Variants in MNDA observed in about 807,000 individuals in gnomAD.
The protein encoded by MNDA is epididymis secretory sperm binding protein.
A neutral mutation model predicts 37.8 loss-of-function variants in MNDA; 43 were observed. That is an observed-to-expected ratio of 1.14 (90% CI 0.89 to 1.47). The LOEUF (loss-of-function observed/expected upper bound fraction) is 1.47. MNDA is among the 40% of genes most tolerant of loss of function. MNDA has a pLI of 0.00. For synonymous variants in MNDA, 181 were observed against 169.0 expected (o/e 1.07, Z -0.55); for missense variants, 536 against 476.0 (o/e 1.13, Z -1.17).
chr1:158,841,730 AGGAAGAATCAGGGAAGAATC>A (rs1659032363), intron 1 of MNDA, among the ~76,000 whole-genome samples: 1 of 342 alleles, frequency 2.9e-3, no homozygotes, highest in African/African-American at 0.011. Context: ...GTGGATGACC[AGGAAGAATCAGGGAAGAATC>A]AGGGAAGAAT....
At chr1:158,836,543 T>G (rs1426704843) in intron 1 of MNDA, among the ~76,000 whole-genome samples, 2 of 151,922 alleles carry the variant, frequency 1.3e-5, no homozygotes, top group Admixed American at 1.3e-4. Flanking sequence ...AGTATTCTCT[T>G]TATTTCTGTG....
At chr1:158,837,768 T>A (rs535254909) in intron 1 of MNDA, among the ~76,000 whole-genome samples, 1 of 151,990 alleles carries the variant, frequency 6.6e-6, no homozygotes, top group Non-Finnish European at 1.5e-5. Context: ...CCATTTTTTA[T>A]TTGTTTTCTG....
At chr1:158,843,932 C>T (rs1360604698) in intron 3 of MNDA, 23 bp from the exon 4 acceptor site, 1 of 1,557,886 alleles carries the variant, frequency 6.4e-7, no homozygotes, top group Non-Finnish European at 8.7e-7. Context: ...ACTCCATTAA[C>T]AGGAAAATTA....
At chr1:158,836,751 A>C (rs1358986290) in intron 1 of MNDA, among the ~76,000 whole-genome samples, 2 of 147,582 alleles carry the variant, frequency 1.4e-5, no homozygotes, top group Non-Finnish European at 3.0e-5. Context: ...CTTCCTTTTG[A>C]TGGCTTTTGG....
At chr1:158,836,042 G>T (rs1229580002) in intron 1 of MNDA, among the ~76,000 whole-genome samples, 1 of 151,786 alleles carries the variant, frequency 6.6e-6, no homozygotes, top group Non-Finnish European at 1.5e-5. Context: ...ATTGATTGTT[G>T]CATGGTGAGC....
chr1:158,846,038 A>G, intron 5 of MNDA, 35 bp downstream of exon 5: 1 of 1,522,140 alleles, frequency 6.6e-7, no homozygotes, highest in Non-Finnish European at 8.9e-7. Context: ...TTTCTCTACC[A>G]TTACCTGGAA....
chr1:158,843,581 A>C (rs1434561438), intron 3 of MNDA, among the ~76,000 whole-genome samples, 166 bp downstream of exon 3: 2 of 152,210 alleles, frequency 1.3e-5, no homozygotes, highest in Non-Finnish European at 2.9e-5. Flanking sequence ...TGTAATAAAA[A>C]ATTTCTGTGA....
chr1:158,834,588 T>G (rs1658871788), intron 1 of MNDA, among the ~76,000 whole-genome samples: 1 of 152,162 alleles, frequency 6.6e-6, no homozygotes, highest in Admixed American at 6.5e-5. Context: ...ACTCTGTTAA[T>G]TGTGTCTTTG....
At chr1:158,843,242 C>G (rs985435097) in intron 2 of MNDA, 37 bp from the exon 3 acceptor site, 1 of 1,581,600 alleles carries the variant, frequency 6.3e-7, no homozygotes, top group East Asian at 2.3e-5. Context: ...CTATTCCACT[C>G]TAGGCCTATT....
chr1:158,848,212 T>A (rs545261291), intron 6 of MNDA, among the ~76,000 whole-genome samples: 3 of 152,184 alleles, frequency 2.0e-5, no homozygotes, highest in Non-Finnish European at 4.4e-5. Context: ...CTGATTTGAA[T>A]CCTGGATTTA....
At chr1:158,847,342 T>C (rs1222788794) in intron 5 of MNDA, among the ~76,000 whole-genome samples, 1 of 152,168 alleles carries the variant, frequency 6.6e-6, no homozygotes, top group African/African-American at 2.4e-5. Context: ...TAAAGTGAAA[T>C]TCCTCATAAT....
intron 2 of MNDA, chr1:158,842,679 C>G: frequency 3.4e-6 from 1 of 292,276 alleles, no homozygotes; most frequent in Non-Finnish European, 6.3e-6. Context: ...GTGAGTGTTT[C>G]AGTAAATCAA....
Position 158,842,297 on chromosome 1 carries a change from T to G in MNDA, c.144T>G (p.Ile48Met), listed in dbSNP as rs762231041. 3.1e-6 allele frequency: 5 copies of G among 1,614,148 alleles called. No homozygotes were observed. The South Asian group carries it at 5.5e-5, about 18-fold the overall frequency. ...KMQEEYNRIK[I>M]TDLMEKKFQG... The stretch of plus-strand genomic sequence containing the variant: ...AAGAGGAATACAACAGAATTAAGAT[T>G]ACAGATTTGATGGAAAAAAAGTTCC... The change falls in exon 2 of 7, where the codon ATT becomes ATG. Residue 48 changes from isoleucine (I) to methionine (M), a missense_variant. Coordinates refer to ENST00000368141, the MANE Select transcript of MNDA (RefSeq NM_002432.3).
In MNDA at chr1:158,844,167, C is replaced by T. The variant is rs1479860364; in HGVS notation, c.570+45C>T. On this transcript the variant is annotated intron_variant, in intron 4 of 6. Transcript: ENST00000368141. ...CTTCTCCATTTTTTTTTAACCCAGT[C>T]ACAGTGCATTCCACTGTTACTATTG... The T allele has an allele frequency of 2.8e-6, 4 of 1,428,956 alleles. No homozygotes were observed. The African/African-American group carries it at 5.7e-5, about 20-fold the overall frequency. 88.5% of individuals were successfully genotyped at this position (1,428,956 alleles called of 1,614,324 possible). A position where few individuals can be genotyped will look rare whatever the true frequency, so the allele number is the denominator to read the frequency against.
At chr1:158,836,022 A>T (rs1658906690) in intron 1 of MNDA, among the ~76,000 whole-genome samples, 1 of 151,906 alleles carries the variant, frequency 6.6e-6, no homozygotes, top group African/African-American at 2.4e-5. Flanking sequence ...TTTTACCATT[A>T]AGAGTGTTAA....
intron 1 of MNDA, among the ~76,000 whole-genome samples, chr1:158,838,418 T>C (rs2102047017): frequency 6.6e-6 from 1 of 152,222 alleles, no homozygotes; most frequent in South Asian, 2.1e-4. Flanking sequence ...TACCTTCTGG[T>C]CTACAAAGTA....
chr1:158,846,503 A>T (rs1659136317), intron 5 of MNDA, among the ~76,000 whole-genome samples: 1 of 152,238 alleles, frequency 6.6e-6, no homozygotes, highest in Non-Finnish European at 1.5e-5. Flanking sequence ...TTGTGCTTAG[A>T]TCAGTTGCCC....
Position 158,844,105 on chromosome 1 carries a change from A to C in MNDA, c.553A>C (p.Asn185His). 1 of 1,584,802 alleles carries C rather than the reference A, an allele frequency of 6.3e-7. No homozygotes were observed. The highest frequency in any genetic ancestry group is 1.2e-5 in the South Asian group (1 of 86,700). The change falls in exon 4 of 7, where the codon AAC (asparagine) becomes CAC (histidine). Residue 185 changes from asparagine (N) to histidine (H), a missense_variant. By Grantham distance (68) the Asn-to-His change is moderately conservative. Coordinates refer to ENST00000368141, the MANE Select transcript of MNDA (RefSeq NM_002432.3). Reference sequence around the variant, plus strand: ...CCAGACCTCATCATCAACTCCATCCAACACTTCGTTTACTCCGGTACACTC... The same window carrying C: ...CCAGACCTCATCATCAACTCCATCCCACACTTCGTTTACTCCGGTACACTC... ...LPQTSSSTPSNTSFTPNQETQ... is the reference protein window; with the variant it reads ...LPQTSSSTPSHTSFTPNQETQ...
intron 5 of MNDA, among the ~76,000 whole-genome samples, chr1:158,846,806 A>T (rs1284581739): frequency 6.6e-6 from 1 of 152,196 alleles, no homozygotes; most frequent in Non-Finnish European, 1.5e-5. Flanking sequence ...CTTTCAATAT[A>T]GCCCCTTAAA....
Sources: gnomAD v4.1 joint callset for allele counts (sites outside exome capture counted in the v4.1 genomes callset) on GRCh38, gnomAD v4.1.1 for gene constraint, MANE v1.5 for transcripts, NCBI Gene and HGNC (gene_info 2026-07-23, HGNC 2026-07-21) for gene names.